ACTR6: variants seen among roughly 807,000 people sequenced by gnomAD.
The protein encoded by ACTR6 is actin related protein 6.
Under a neutral mutation model 52.5 loss-of-function variants are expected in ACTR6, and 50 were observed. That is an observed-to-expected ratio of 0.95 (90% CI 0.76 to 1.20). ACTR6 has a LOEUF of 1.20. Ranked by LOEUF, ACTR6 falls within the 50% of genes most tolerant of loss-of-function variation. ACTR6 has a pLI of 0.00. For missense variants in ACTR6, 344 were observed against 472.4 expected (o/e 0.73, Z 2.52); for synonymous variants, 135 against 147.2 (o/e 0.92, Z 0.60).
At position 100,212,528 on chromosome 12, in the gene ACTR6, G is replaced by A. The variant is rs756002974; in HGVS notation, c.750G>A (p.Lys250=). 3 of 1,610,604 alleles carry A rather than the reference G, an allele frequency of 1.9e-6. No individual in the cohort carries two copies. Among genetic ancestry groups the A allele is most frequent in the Non-Finnish European group, 2.5e-6 (3 of 1,176,978 alleles). The stretch of plus-strand genomic sequence containing the variant: ...GTACAATTAAAAAGGGCTTTTGTAA[G>A]GTAATTTTTAAAAACCATCAATGGT... ...DFSTIKKGFC[K]PREEMVLSGK... Residue 250 remains lysine (K), a splice_region_variant and synonymous_variant, in exon 8 of 11, where the codon AAG becomes AAA. Transcript: ENST00000188312.
intron 8 of ACTR6, among the ~76,000 whole-genome samples, chr12:100,213,850 T>C (rs1163223907): frequency 6.6e-6 from 1 of 152,212 alleles, no homozygotes; most frequent in African/African-American, 2.4e-5. Context: ...TGATGAGGAC[T>C]GTTGGGAAGT....
Position 100,207,660 on chromosome 12 carries a change from T to G in ACTR6, c.256-3T>G. ...AAACATTTTGGAATGTTTTCTCCTA[T>G]AGGTTGATTTTTTAGATACTAATAT... On this transcript the variant is annotated splice_region_variant and splice_polypyrimidine_tract_variant and intron_variant, in intron 3 of 10. Transcript: ENST00000188312. 2.7e-6 allele frequency: 4 copies of G among 1,486,528 alleles called. No homozygotes were observed. The highest frequency in any genetic ancestry group is 3.6e-6 in the Non-Finnish European group (4 of 1,096,048). The allele number at this position is 1,486,528 out of a possible 1,614,324, so 92.1% of individuals were successfully genotyped here.
chr12:100,217,984 C>CT (rs1409734252), intron 8 of ACTR6, among the ~76,000 whole-genome samples: 1 of 151,988 alleles, frequency 6.6e-6, no homozygotes, highest in Admixed American at 6.6e-5. Flanking sequence ...GTCTCTCCTC[C>CT]TTTTTTTCTT....
At chr12:100,207,565 G>A in intron 3 of ACTR6, 98 bp from the exon 4 acceptor site, 9 of 1,139,118 alleles carry the variant, frequency 7.9e-6, no homozygotes, top group East Asian at 5.5e-5. Context: ...AAGACATCAC[G>A]ATTATTGTGA....
At chr12:100,201,118 A>C in intron 1 of ACTR6, 199 bp downstream of exon 1, 2 of 1,357,724 alleles carry the variant, frequency 1.5e-6, no homozygotes, top group Non-Finnish European at 1.9e-6. Context: ...TTGGGCTGCG[A>C]GGCCCCGGAA....
intron 6 of ACTR6, among the ~76,000 whole-genome samples, chr12:100,211,499 G>A (rs988928191): frequency 7.2e-5 from 11 of 152,098 alleles, no homozygotes; most frequent in Non-Finnish European, 1.5e-4. Context: ...CCTTAAACTC[G>A]TGGGTTTAAG....
At chr12:100,214,351 T>G (rs1045292022) in intron 8 of ACTR6, among the ~76,000 whole-genome samples, 3 of 152,130 alleles carry the variant, frequency 2.0e-5, no homozygotes, top group South Asian at 2.1e-4. Context: ...TGAATTTTTT[T>G]GGGCCAGATT....
At chr12:100,211,686 CCA>C (rs2096120017) in intron 6 of ACTR6, among the ~76,000 whole-genome samples, 1 of 151,782 alleles carries the variant, frequency 6.6e-6, no homozygotes, top group Admixed American at 6.6e-5. Context: ...ATGGCCACAC[CCA>C]GTCATGCCAT....
At chr12:100,214,551 C>A (rs563784333) in intron 8 of ACTR6, among the ~76,000 whole-genome samples, 2 of 150,052 alleles carry the variant, frequency 1.3e-5, no homozygotes, top group East Asian at 1.9e-4. Flanking sequence ...CAAAGTGAGA[C>A]CCTGTCTCTA....
At chr12:100,207,818 T>C (rs1413115451) in intron 4 of ACTR6, 32 bp downstream of exon 4, 4 of 1,579,072 alleles carry the variant, frequency 2.5e-6, no homozygotes, top group Non-Finnish European at 3.5e-6. Flanking sequence ...AATTGAGTTA[T>C]ATGACTATGG....
intron 4 of ACTR6, chr12:100,208,860 C>T (rs921601298): frequency 6.7e-6 from 3 of 445,510 alleles, no homozygotes; most frequent in Non-Finnish European, 4.5e-6. Context: ...GATCCTCCCG[C>T]CTCAGCCTCC....
rs112850311 is a variant in ACTR6 at position 100,220,366 on chromosome 12, G to C, written c.1061+220G>C. Among the ~76,000 whole-genome samples the C allele has an allele frequency of 2.1e-3, 322 of 152,278 alleles. 1 individual carries two copies. The highest frequency in any genetic ancestry group is 7.3e-3 in the African/African-American group (304 of 41,546). On this transcript the variant is annotated intron_variant, in intron 10 of 10. Coordinates refer to ENST00000188312, the MANE Select transcript of ACTR6 (RefSeq NM_022496.5). ...CCAGCCATAATGTTTCATACACAAT[G>C]GGTGCTTAATTAAGTATATGGGGTG...
intron 8 of ACTR6, among the ~76,000 whole-genome samples, chr12:100,214,330 G>A (rs2096122298): frequency 6.6e-6 from 1 of 152,122 alleles, no homozygotes; most frequent in Admixed American, 6.6e-5. Context: ...TAGTATGCCT[G>A]AAAACAAAAG....
intron 5 of ACTR6, 23 bp downstream of exon 5, chr12:100,210,231 G>A: frequency 6.2e-7 from 1 of 1,602,392 alleles, no homozygotes; most frequent in East Asian, 2.2e-5. Context: ...TAATTTTCAT[G>A]TTGTTTCTAA....
At chr12:100,223,245 G>A (rs2096129706) in intron 10 of ACTR6, among the ~76,000 whole-genome samples, 1 of 152,186 alleles carries the variant, frequency 6.6e-6, no homozygotes, top group Non-Finnish European at 1.5e-5. Context: ...GGAGGCTGAA[G>A]CAGGAGAAAC....
At chr12:100,219,966 T>TA (rs747826452) in intron 9 of ACTR6, 42 bp from the exon 10 acceptor site, 1 of 1,602,256 alleles carries the variant, frequency 6.2e-7, no homozygotes, top group African/African-American at 1.3e-5. Context: ...ACAGATTTTC[T>TA]AATGCCTTTT....
At chr12:100,204,645 G>A (rs904062832) in intron 1 of ACTR6, among the ~76,000 whole-genome samples, 9 of 152,002 alleles carry the variant, frequency 5.9e-5, no homozygotes, top group South Asian at 2.1e-4. Context: ...GATTACAGGC[G>A]TGAGCCACCA....
rs1424580332 is a variant in ACTR6, at chr12:100,212,341, A to G, written c.658A>G (p.Met220Val). 26 of 1,609,736 alleles carry G rather than the reference A, an allele frequency of 1.6e-5. No individual in the cohort carries two copies. Among genetic ancestry groups the G allele is most frequent in the Non-Finnish European group, 2.2e-5 (26 of 1,176,712 alleles). The change falls in exon 7 of 11, where the codon ATG becomes GTG. Residue 220 changes from methionine (M) to valine (V), a missense_variant. Coordinates refer to ENST00000188312, the MANE Select transcript of ACTR6 (RefSeq NM_022496.5). Reference sequence around the variant, plus strand: ...TGTGTCTCAGGATTTTTATAGAGACATGGATATTGCAAAGTATGTATAATG... The same window carrying G: ...TGTGTCTCAGGATTTTTATAGAGACGTGGATATTGCAAAGTATGTATAATG... ...CYVSQDFYRD[M>V]DIAKLKGEEN...
intron 8 of ACTR6, among the ~76,000 whole-genome samples, chr12:100,217,041 A>G (rs1212204484): frequency 6.6e-6 from 1 of 152,284 alleles, no homozygotes; most frequent in East Asian, 1.9e-4. Context: ...TGTGCTTTGG[A>G]TTATGATATG....
Sources: gnomAD v4.1 joint callset for allele counts (sites outside exome capture counted in the v4.1 genomes callset) on GRCh38, gnomAD v4.1.1 for gene constraint, MANE v1.5 for transcripts, NCBI Gene and HGNC (gene_info 2026-07-23, HGNC 2026-07-21) for gene names.